The following VGLL1 variants were observed in gnomAD, a reference collection of about 807,000 sequenced individuals.
VGLL1 encodes the protein vestigial like family member 1.
VGLL1 carries 4 observed loss-of-function variants against 12.0 expected under a neutral mutation model. The ratio of observed to expected loss-of-function variants is 0.33; its 90% confidence interval spans 0.16 to 0.76. VGLL1 has a LOEUF of 0.76. Ranked by LOEUF, VGLL1 falls within the 30% of genes least tolerant of loss-of-function variation. VGLL1 has a pLI of 0.60. For missense variants in VGLL1, 204 were observed against 208.7 expected (o/e 0.98, Z 0.14); for synonymous variants, 87 against 81.2 (o/e 1.07, Z -0.39).
chrX:136,541,825 A>T (rs1178695680), intron 2 of VGLL1, among the ~76,000 whole-genome samples: 1 of 112,106 alleles, frequency 8.9e-6, no homozygotes, highest in Non-Finnish European at 1.9e-5. Flanking sequence ...TCTCTTCCCC[A>T]ATCAGTGTTG....
At chrX:136,532,650 TTTC>T in intron 1 of VGLL1, among the ~76,000 whole-genome samples, 2 of 66,175 alleles carry the variant, frequency 3.0e-5, no homozygotes, top group African/African-American at 1.1e-4. Flanking sequence ...TCTTTCTTTC[TTTC>T]TTTCTTTCTT....
intron 2 of VGLL1, among the ~76,000 whole-genome samples, chrX:136,546,354 G>T (rs963243683): frequency 9.0e-6 from 1 of 111,420 alleles, no homozygotes; most frequent in African/African-American, 3.3e-5. Flanking sequence ...TCAAATCCAG[G>T]GTCTCCACTC....
intron 2 of VGLL1, 108 bp downstream of exon 2, chrX:136,536,342 G>A (rs2075839776): frequency 3.7e-6 from 3 of 812,926 alleles, no homozygotes; most frequent in South Asian, 2.6e-5. Context: ...GTTTGCTAAA[G>A]GCAAGTTGCT....
Position 136,536,133 on chromosome X carries a change from G to A in VGLL1, c.113G>A (p.Ser38Asn). The A allele has an allele frequency of 8.3e-7, 1 of 1,211,377 alleles. No homozygotes were observed. The highest frequency in any genetic ancestry group is 1.1e-6 in the Non-Finnish European group (1 of 895,333). ...TTCACCTACTTCCAAGGGGACATCA[G>A]CAGCGTAGTGGATGAACACTTCTCC... is the stretch of plus-strand genomic sequence containing the variant. The part of the protein sequence containing the change: ...VLFTYFQGDI[S>N]SVVDEHFSRA... The change falls in exon 2 of 5, where the codon AGC (serine) becomes AAC (asparagine). Residue 38 changes from serine to asparagine, a missense_variant. Coordinates refer to ENST00000370634, the MANE Select transcript of VGLL1 (RefSeq NM_016267.4).
intron 2 of VGLL1, among the ~76,000 whole-genome samples, chrX:136,537,574 T>C (rs2075843453): frequency 9.0e-6 from 1 of 111,222 alleles, no homozygotes; most frequent in South Asian, 3.8e-4. Flanking sequence ...TCTTCTGTTT[T>C]TTAGAGACAG....
chrX:136,549,297 C>T (rs1368839305), intron 3 of VGLL1, among the ~76,000 whole-genome samples: 1 of 111,557 alleles, frequency 9.0e-6, no homozygotes, highest in Non-Finnish European at 1.9e-5. Flanking sequence ...TGGGCTGCTG[C>T]GTAATATCGC....
chrX:136,548,832 G>T lies in VGLL1; in HGVS notation c.458G>T (p.Arg153Leu). ...GGCTACTCTCATCCCTTCCCCGCTC[G>T]GCACCTGGTTCCAGAGCCCCAGCCT... ...EPGYSHPFPA[R>L]HLVPEPQPDG... Residue 153 changes from arginine (R) to leucine (L), a missense_variant, in exon 3 of 5, where the codon CGG becomes CTG. By Grantham distance (102) the Arg-to-Leu change is moderately radical. Transcript: ENST00000370634. 2 of 1,211,950 alleles carry T rather than the reference G, an allele frequency of 1.7e-6. No homozygotes were observed. The highest frequency in any genetic ancestry group is 2.2e-6 in the Non-Finnish European group (2 of 895,550).
At chrX:136,540,282 C>T (rs771894033) in intron 2 of VGLL1, among the ~76,000 whole-genome samples, 6 of 111,207 alleles carry the variant, frequency 5.4e-5, no homozygotes, top group Non-Finnish European at 9.4e-5. Flanking sequence ...TCATCTGGGC[C>T]CCCGTTGTCT....
intron 2 of VGLL1, 84 bp from the exon 3 acceptor site, chrX:136,548,505 A>T (rs2075875631): frequency 1.0e-5 from 10 of 965,145 alleles, no homozygotes; most frequent in African/African-American, 2.0e-5. Context: ...AGTTAAAAAA[A>T]ATAGAGTATG....
intron 2 of VGLL1, among the ~76,000 whole-genome samples, chrX:136,537,358 G>A (rs766901629): frequency 7.5e-4 from 82 of 109,137 alleles, no homozygotes; most frequent in African/African-American, 2.7e-3. Context: ...GAGTGGCAAA[G>A]CAAGACCCTG....
In VGLL1 at chrX:136,550,795, C is replaced by T. The variant is rs142823638; in HGVS notation, c.662C>T (p.Ser221Phe). The change falls in exon 4 of 5, where the codon TCT becomes TTT. Residue 221 changes from serine to phenylalanine, a missense_variant. Physicochemically the swap from Ser to Phe is radical, Grantham distance 155 (BLOSUM62 -2). Transcript: ENST00000370634. ...HYKKLYVSRG[S>F]ASTSLPNETL... ...AAGAAACTATATGTATCTCGTGGAT[C>T]TGCCAGTACCAGCCTTCCAAATGAA... The T allele has an allele frequency of 8.3e-7, 1 of 1,209,295 alleles. No individual in the cohort carries two copies. Among genetic ancestry groups the T allele is most frequent in the Non-Finnish European group, 1.1e-6 (1 of 893,809 alleles).
At chrX:136,546,892 G>A (rs1403058099) in intron 2 of VGLL1, among the ~76,000 whole-genome samples, 1 of 112,677 alleles carries the variant, frequency 8.9e-6, no homozygotes, top group Non-Finnish European at 1.9e-5. Context: ...TTAATATATT[G>A]TCTTGCCTTT....
chrX:136,549,569 T>C (rs2075879836), intron 3 of VGLL1, among the ~76,000 whole-genome samples: 1 of 110,434 alleles, frequency 9.1e-6, no homozygotes, highest in African/African-American at 3.3e-5. Flanking sequence ...TCCTGCACTC[T>C]GGGATCCTCC....
intron 1 of VGLL1, among the ~76,000 whole-genome samples, chrX:136,532,637 CTTTCTTTCTTTCT>C (rs1385309910): frequency 2.2e-5 from 2 of 91,962 alleles, no homozygotes; most frequent in Non-Finnish European, 4.3e-5. Context: ...TTCTTTCTTT[CTTTCTTTCTTTCT>C]TTCTTTCTTT....
chrX:136,540,883 C>T (rs1398923363), intron 2 of VGLL1, among the ~76,000 whole-genome samples: 1 of 112,013 alleles, frequency 8.9e-6, no homozygotes, highest in African/African-American at 3.3e-5. Flanking sequence ...CACTTACTAA[C>T]AGTGTGATCT....
At position 136,548,897 on chromosome X, in the gene VGLL1, G is replaced by A; in HGVS notation, c.523G>A (p.Asp175Asn). 1 of 1,212,222 alleles carries A rather than the reference G, an allele frequency of 8.2e-7. No homozygotes were observed. Among genetic ancestry groups the A allele is most frequent in the Non-Finnish European group, 1.1e-6 (1 of 895,628 alleles). ...GCCTCTCCTAAGTCTCCTCCAGCAA[G>A]ACAGATGCCTAGCCCGTCCTCAGGA... ...REPLLSLLQQDRCLARPQESA... is the reference protein window; with the variant it reads ...REPLLSLLQQNRCLARPQESA... Residue 175 changes from aspartate to asparagine, a missense_variant, in exon 3 of 5, where the codon GAC becomes AAC. Transcript: ENST00000370634.
At chrX:136,543,487 T>C (rs1481683950) in intron 2 of VGLL1, among the ~76,000 whole-genome samples, 2 of 111,582 alleles carry the variant, frequency 1.8e-5, no homozygotes, top group Non-Finnish European at 3.8e-5. Context: ...CATCATAAAA[T>C]GAGATTTGTA....
At chrX:136,547,626 C>T (rs759208268) in intron 2 of VGLL1, among the ~76,000 whole-genome samples, 2 of 111,868 alleles carry the variant, frequency 1.8e-5, no homozygotes, top group African/African-American at 6.5e-5. Flanking sequence ...GTTTTAGCTC[C>T]TAGAGTTGTG....
chrX:136,538,309 T>C (rs1340570535), intron 2 of VGLL1, among the ~76,000 whole-genome samples: 1 of 112,421 alleles, frequency 8.9e-6, no homozygotes, highest in East Asian at 2.8e-4. Context: ...GGTATAAAGA[T>C]GAATATAATC....
Sources: allele counts gnomAD v4.1 joint callset (sites outside exome capture counted in the v4.1 genomes callset), GRCh38; gene constraint gnomAD v4.1.1; transcripts MANE v1.5; gene names NCBI Gene and HGNC (gene_info 2026-07-23, HGNC 2026-07-21).